The following ADGRL3 variants were observed in gnomAD, a reference collection of about 807,000 sequenced individuals.
ADGRL3 encodes the protein adhesion G protein-coupled receptor L3.
A neutral mutation model predicts 153.5 loss-of-function variants in ADGRL3; 62 were observed. The observed-to-expected ratio is 0.40, with a 90% CI of 0.33 to 0.50. The LOEUF is 0.50. Among genes scored for constraint, ADGRL3 ranks in the 20% least tolerant of loss-of-function variants. ADGRL3 has a pLI of 0.47. For missense variants in ADGRL3, 1,641 were observed against 1,859.4 expected (o/e 0.88, Z 2.16); for synonymous variants, 710 against 672.5 (o/e 1.06, Z -0.86).
At chr4:61,764,915 A>G (rs1282218808) in intron 8 of ADGRL3, among the ~76,000 whole-genome samples, 1 of 151,714 alleles carries the variant, frequency 6.6e-6, no homozygotes, top group Non-Finnish European at 1.5e-5. Context: ...TAGAAGAAAC[A>G]TTTGTCGTAT....
chr4:61,434,747 GT>G (rs1442508608), intron 2 of ADGRL3, among the ~76,000 whole-genome samples: 3 of 151,872 alleles, frequency 2.0e-5, no homozygotes, highest in Non-Finnish European at 2.9e-5. Flanking sequence ...AATTAACCAA[GT>G]TTCTTCAAAT....
chr4:61,206,969 C>A (rs1737540250), intron 1 of ADGRL3, among the ~76,000 whole-genome samples: 1 of 150,428 alleles, frequency 6.6e-6, no homozygotes, highest in African/African-American at 2.5e-5. Context: ...GTCCACAGAC[C>A]AAGACTGTGT....
intron 1 of ADGRL3, among the ~76,000 whole-genome samples, chr4:61,273,262 A>G (rs1229227461): frequency 1.3e-5 from 2 of 152,146 alleles, no homozygotes; most frequent in African/African-American, 2.4e-5. Flanking sequence ...CACTGTCATC[A>G]CGCTGGAGCT....
intron 21 of ADGRL3, among the ~76,000 whole-genome samples, chr4:62,006,983 A>G (rs569164061): frequency 6.6e-6 from 1 of 152,200 alleles, no homozygotes; most frequent in South Asian, 2.1e-4. Flanking sequence ...TCAAAAGCTC[A>G]ATAATGTCAA....
At chr4:61,857,266 A>G (rs1178688416) in intron 9 of ADGRL3, among the ~76,000 whole-genome samples, 1 of 151,892 alleles carries the variant, frequency 6.6e-6, no homozygotes, top group East Asian at 2.0e-4. Flanking sequence ...GGAGTAGAGT[A>G]TCTACAGGAG....
At chr4:61,510,052 G>A (rs544317232) in intron 3 of ADGRL3, among the ~76,000 whole-genome samples, 10 of 152,230 alleles carry the variant, frequency 6.6e-5, no homozygotes, top group Admixed American at 1.3e-4. Context: ...TTTGTTGGCC[G>A]CTTGTATGTC....
intron 21 of ADGRL3, among the ~76,000 whole-genome samples, chr4:62,013,954 T>C (rs2099199519): frequency 1.3e-5 from 2 of 151,944 alleles, no homozygotes; most frequent in Admixed American, 1.3e-4. Context: ...GCTACTTCAA[T>C]ATGTGTGTGT....
chr4:61,527,375 C>T (rs1198395351), intron 4 of ADGRL3, among the ~76,000 whole-genome samples: 1 of 152,020 alleles, frequency 6.6e-6, no homozygotes, highest in African/African-American at 2.4e-5. Flanking sequence ...TGTTATTTCT[C>T]AAATTCTTTG....
intron 19 of ADGRL3, among the ~76,000 whole-genome samples, chr4:61,991,183 G>A (rs1018406534): frequency 1.3e-5 from 2 of 151,668 alleles, no homozygotes; most frequent in African/African-American, 2.4e-5. Context: ...GATCAGCAAC[G>A]TTGTTTTCAA....
intron 8 of ADGRL3, among the ~76,000 whole-genome samples, chr4:61,752,157 T>G (rs537986465): frequency 3.9e-5 from 6 of 152,192 alleles, no homozygotes; most frequent in Non-Finnish European, 7.3e-5. Flanking sequence ...CCTGCTCTTA[T>G]AGATTCTCAG....
At position 61,788,274 on chromosome 4, in the gene ADGRL3, G is replaced by A. The variant is rs116502227; in HGVS notation, c.1400-25535G>A. On this transcript the variant is annotated intron_variant, in intron 8 of 26. Coordinates refer to ENST00000683033, the MANE Select transcript of ADGRL3 (RefSeq NM_001387552.1). ...TGCAGCAATCAAAACTACAACCAGG[G>A]TCCCACCTCAATCCCCTCCTACCTC... 2.8e-3 allele frequency among the ~76,000 whole-genome samples: 431 copies of A among 152,204 alleles called. 3 individuals are homozygous for A. The highest frequency in any genetic ancestry group is 9.1e-3 in the African/African-American group (380 of 41,532).
intron 6 of ADGRL3, among the ~76,000 whole-genome samples, chr4:61,705,852 G>C (rs1159067256): frequency 6.6e-6 from 1 of 152,168 alleles, no homozygotes; most frequent in East Asian, 1.9e-4. Context: ...GGTCTCAAAA[G>C]AGAGGTTAAA....
At chr4:61,730,233 T>A (rs2096416170) in intron 6 of ADGRL3, among the ~76,000 whole-genome samples, 1 of 151,924 alleles carries the variant, frequency 6.6e-6, no homozygotes, top group South Asian at 2.1e-4. Context: ...CTATAATATT[T>A]ATAAGTGAGA....
intron 25 of ADGRL3, among the ~76,000 whole-genome samples, chr4:62,050,905 A>G (rs1282648045): frequency 6.6e-6 from 1 of 151,814 alleles, no homozygotes; most frequent in Non-Finnish European, 1.5e-5. Context: ...ACCAAATAAC[A>G]AACTATTTTT....
At chr4:61,701,425 G>T (rs1057074475) in intron 6 of ADGRL3, among the ~76,000 whole-genome samples, 1 of 138,088 alleles carries the variant, frequency 7.2e-6, no homozygotes. Context: ...CACATTAAAG[G>T]TACAATTTTT....
intron 2 of ADGRL3, among the ~76,000 whole-genome samples, chr4:61,398,064 G>A (rs553114477): frequency 2.0e-5 from 3 of 151,772 alleles, no homozygotes; most frequent in Non-Finnish European, 4.4e-5. Context: ...ATAATAAAGC[G>A]ATATTGGTTT....
chr4:61,280,904 A>G (rs1425062771), intron 1 of ADGRL3, among the ~76,000 whole-genome samples: 1 of 152,126 alleles, frequency 6.6e-6, no homozygotes, highest in Non-Finnish European at 1.5e-5. Context: ...GTGGTATTTT[A>G]TGGAACAAGA....
intron 23 of ADGRL3, among the ~76,000 whole-genome samples, chr4:62,035,552 A>G (rs1724526333): frequency 6.6e-6 from 1 of 152,244 alleles, no homozygotes; most frequent in South Asian, 2.1e-4. Flanking sequence ...TTCATAAATC[A>G]GTAGAAATTA....
chr4:61,945,668 C>G lies in ADGRL3; in HGVS notation c.2420-1246C>G, dbSNP rs541339399. ...CCGTTTCTTAAGCCGGTCTGAAAAG[C>G]GCAATATTCGGGTGGGAGTGACCCG... is the stretch of plus-strand genomic sequence containing the variant. On this transcript the variant is annotated intron_variant, in intron 15 of 26. Coordinates refer to ENST00000683033, the MANE Select transcript of ADGRL3 (RefSeq NM_001387552.1). Among the ~76,000 whole-genome samples the G allele has an allele frequency of 2.0e-5, 3 of 146,648 alleles. No individual in the cohort carries two copies. In the East Asian group the frequency reaches 6.3e-4, roughly 31 times the overall value.
Sources: gnomAD v4.1 joint callset for allele counts (sites outside exome capture counted in the v4.1 genomes callset) on GRCh38, gnomAD v4.1.1 for gene constraint, MANE v1.5 for transcripts, NCBI Gene and HGNC (gene_info 2026-07-23, HGNC 2026-07-21) for gene names.